PLXNA4: variants seen among roughly 807,000 people sequenced by gnomAD.
The protein encoded by PLXNA4 is plexin-A4.
A neutral mutation model predicts 191.8 loss-of-function variants in PLXNA4; 44 were observed. The observed-to-expected ratio is 0.23, with a 90% CI of 0.18 to 0.29. PLXNA4 has a LOEUF of 0.29. Among genes scored for constraint, PLXNA4 ranks in the 10% least tolerant of loss-of-function variants. The probability of loss-of-function intolerance (pLI) is 1.00; values close to 1 mark genes in which losing one functional copy is unlikely to be tolerated. For synonymous variants in PLXNA4, 1,082 were observed against 1,009.5 expected, an observed-to-expected ratio of 1.07 and a Z score of -1.36; for missense variants, 1,800 against 2,488.8, an observed-to-expected ratio of 0.72 and a Z score of 5.89.
At chr7:132,594,492 C>T (rs1802662068) in intron 2 of PLXNA4, among the ~76,000 whole-genome samples, 1 of 152,194 alleles carries the variant, frequency 6.6e-6, no homozygotes, top group Non-Finnish European at 1.5e-5. Flanking sequence ...CTAATGGGCT[C>T]GTTTTCTATA....
rs148278866 is a variant in PLXNA4 at position 132,412,606 on chromosome 7, C to T, written c.1371+76686G>A. ...AATATAATAAGATCTTCCTTGGAGG[C>T]GATTATGAGGCAGTGATAAGGATCA... On this transcript the variant is annotated intron_variant, in intron 3 of 31. Transcript: ENST00000321063. Among the ~76,000 whole-genome samples, 194 of 152,172 alleles carry T rather than the reference C, an allele frequency of 1.3e-3. 2 individuals carry two copies. The highest frequency in any genetic ancestry group is 7.1e-3 in the South Asian group (34 of 4,806).
intron 3 of PLXNA4, among the ~76,000 whole-genome samples, chr7:132,358,549 T>C (rs560225663): frequency 6.6e-6 from 1 of 152,350 alleles, no homozygotes; most frequent in Admixed American, 6.5e-5. Flanking sequence ...ATATAGAATC[T>C]TTGGGTATGG....
intron 9 of PLXNA4, among the ~76,000 whole-genome samples, chr7:132,220,323 C>T (rs1377805704): frequency 6.6e-6 from 1 of 152,174 alleles, no homozygotes; most frequent in African/African-American, 2.4e-5. Context: ...CCTCTATGCT[C>T]ACATTCAAAA....
chr7:132,258,224 G>T (rs986864355), intron 4 of PLXNA4, among the ~76,000 whole-genome samples: 1 of 152,266 alleles, frequency 6.6e-6, no homozygotes, highest in South Asian at 2.1e-4. Context: ...TGAAAACAGT[G>T]CAGACCAAAT....
chr7:132,258,518 C>T (rs924302315), intron 4 of PLXNA4, among the ~76,000 whole-genome samples: 2 of 152,212 alleles, frequency 1.3e-5, no homozygotes, highest in African/African-American at 4.8e-5. Flanking sequence ...TTCTCAATGA[C>T]TCCAGGAGCA....
At chr7:132,539,397 T>C (rs1799978046) in intron 1 of PLXNA4, among the ~76,000 whole-genome samples, 1 of 152,192 alleles carries the variant, frequency 6.6e-6, no homozygotes, top group Non-Finnish European at 1.5e-5. Flanking sequence ...CAAGTTGCAA[T>C]TGGTCCCCAG....
rs764699739 is a variant in PLXNA4, at chr7:132,187,479, G to T, written c.2985C>A (p.Leu995=). Residue 995 remains leucine (L), a synonymous_variant, in exon 15 of 32, where the codon CTC becomes CTA. Transcript: ENST00000321063. ...VVVMFGKQPC[L]FHRRSPSYIV... ...GGGGCCCTCTGAGTTACCTGTGGAA[G>T]AGACAGGGCTGCTTTCCAAACATCA... is the stretch of plus-strand genomic sequence containing the variant. 17 of 1,613,388 alleles carry T rather than the reference G, an allele frequency of 1.1e-5. No individual in the cohort carries two copies. The South Asian group carries it at 1.9e-4, about 18-fold the overall frequency.
chr7:132,313,314 C>G (rs145628844), intron 3 of PLXNA4, among the ~76,000 whole-genome samples: 1 of 152,260 alleles, frequency 6.6e-6, no homozygotes, highest in African/African-American at 2.4e-5. Context: ...AAATAATTCT[C>G]CTTCCTGAAC....
At chr7:132,299,623 G>C (rs1181362065) in intron 3 of PLXNA4, among the ~76,000 whole-genome samples, 1 of 152,126 alleles carries the variant, frequency 6.6e-6, no homozygotes, top group Non-Finnish European at 1.5e-5. Flanking sequence ...ATTCCTTATT[G>C]ATATAATCCT....
intron 3 of PLXNA4, among the ~76,000 whole-genome samples, chr7:132,353,616 A>G (rs1360106353): frequency 1.3e-5 from 2 of 152,286 alleles, no homozygotes; most frequent in African/African-American, 4.8e-5. Context: ...CTGAAGCTCG[A>G]GGAAAACCTT....
At chr7:132,398,786 C>G (rs956952053) in intron 3 of PLXNA4, among the ~76,000 whole-genome samples, 5 of 152,208 alleles carry the variant, frequency 3.3e-5, no homozygotes, top group African/African-American at 1.2e-4. Flanking sequence ...GTGGCCCAGC[C>G]CTCGCCAGCT....
chr7:132,563,656 T>TC (rs1801499524), intron 1 of PLXNA4, among the ~76,000 whole-genome samples: 1 of 48,134 alleles, frequency 2.1e-5, no homozygotes, highest in Admixed American at 2.0e-4. Context: ...CCTTCTCCTC[T>TC]TCCTCCTCCT....
At chr7:132,330,898 TAAA>T (rs1802565094) in intron 3 of PLXNA4, among the ~76,000 whole-genome samples, 1 of 152,124 alleles carries the variant, frequency 6.6e-6, no homozygotes, top group South Asian at 2.1e-4. Context: ...TTTTTCTAAA[TAAA>T]GAAGGCTGAC....
intron 21 of PLXNA4, among the ~76,000 whole-genome samples, chr7:132,172,739 T>C (rs13235860): frequency 7.0e-6 from 1 of 143,624 alleles, no homozygotes; most frequent in Non-Finnish European, 1.5e-5. Flanking sequence ...ATTGTGCACA[T>C]GTACCCTAAA....
At chr7:132,563,814 CCTTCTCCTCCT>C (rs1801530929) in intron 1 of PLXNA4, among the ~76,000 whole-genome samples, 1 of 85,614 alleles carries the variant, frequency 1.2e-5, no homozygotes, top group East Asian at 4.0e-4. Flanking sequence ...TTCTCCTCCT[CCTTCTCCTCCT>C]CCTTCTCCTC....
chr7:132,586,256 G>A (rs1802502779), intron 2 of PLXNA4, among the ~76,000 whole-genome samples: 1 of 152,154 alleles, frequency 6.6e-6, no homozygotes, highest in African/African-American at 2.4e-5. Flanking sequence ...GAGGAGACAT[G>A]GTCATCAGAT....
At chr7:132,455,704 G>A (rs1368662348) in intron 3 of PLXNA4, among the ~76,000 whole-genome samples, 2 of 152,070 alleles carry the variant, frequency 1.3e-5, no homozygotes, top group Admixed American at 1.3e-4. Flanking sequence ...TGAAAAGAAT[G>A]ATACAAGCAG....
At chr7:132,543,403 C>A (rs970096703) in intron 1 of PLXNA4, among the ~76,000 whole-genome samples, 1 of 152,232 alleles carries the variant, frequency 6.6e-6, no homozygotes, top group African/African-American at 2.4e-5. Context: ...TCTAATCCCT[C>A]TGATTAGTTA....
intron 24 of PLXNA4, among the ~76,000 whole-genome samples, chr7:132,161,592 C>T (rs1416176681): frequency 6.6e-6 from 1 of 152,210 alleles, no homozygotes; most frequent in East Asian, 1.9e-4. Flanking sequence ...GGTTCCCAGG[C>T]AACTAGCTAG....
Sources: allele counts gnomAD v4.1 joint callset (sites outside exome capture counted in the v4.1 genomes callset), GRCh38; gene constraint gnomAD v4.1.1; transcripts MANE v1.5; gene names NCBI Gene and HGNC (gene_info 2026-07-23, HGNC 2026-07-21).